Variants in TMTC1 observed in about 807,000 individuals in gnomAD.
TMTC1 encodes protein O-mannosyl-transferase TMTC1.
TMTC1 carries 73 observed loss-of-function variants against 104.8 expected under a neutral mutation model. The ratio of observed to expected loss-of-function variants is 0.70; its 90% CI spans 0.58 to 0.85. The LOEUF (loss-of-function observed/expected upper bound fraction) is 0.85, where lower values mean the gene tolerates loss of function less well. Ranked by LOEUF, TMTC1 falls within the 40% of genes least tolerant of loss-of-function variation. The pLI, the probability that TMTC1 is intolerant of heterozygous loss-of-function variation, is 0.00. For missense variants in TMTC1, 1,035 were observed against 1,096.1 expected, an observed-to-expected ratio of 0.94 and a Z score of 0.79; for synonymous variants, 434 against 428.7, an observed-to-expected ratio of 1.01 and a Z score of -0.15.
At chr12:29,625,826 AG>A (rs1937958582) in intron 6 of TMTC1, among the ~76,000 whole-genome samples, 1 of 152,194 alleles carries the variant, frequency 6.6e-6, no homozygotes, top group Non-Finnish European at 1.5e-5. Context: ...ATTAGCTGGG[AG>A]AAAGTCAAGA....
chr12:29,516,780 T>A (rs572416113), intron 14 of TMTC1, among the ~76,000 whole-genome samples: 5 of 152,314 alleles, frequency 3.3e-5, no homozygotes, highest in Non-Finnish European at 7.3e-5. Context: ...GAGAAAGAAT[T>A]TCCTCTGATT....
chr12:29,769,389 C>T (rs1050924176), intron 1 of TMTC1, among the ~76,000 whole-genome samples: 8 of 152,140 alleles, frequency 5.3e-5, no homozygotes, highest in Admixed American at 4.6e-4. Flanking sequence ...CATGAGTCTG[C>T]ACACACCCCA....
At position 29,518,523 on chromosome 12, in the gene TMTC1, C is replaced by A; in HGVS notation, c.1973G>T (p.Arg658Ile). The change falls in exon 13 of 18, where the codon AGA (arginine) becomes ATA (isoleucine). Residue 658 changes from arginine to isoleucine, a missense_variant. Physicochemically the swap from Arg to Ile is moderately conservative, Grantham distance 97. Transcript: ENST00000539277. ...SHHVAMVNLG[R>I]LYRSLGENSM... ...GTTCTCTCCCAGTGACCTGTAGAGTCTTCCCAAGTTCACCATGGCCACGTG... is the reference window on the plus strand; with the variant it reads ...GTTCTCTCCCAGTGACCTGTAGAGTATTCCCAAGTTCACCATGGCCACGTG... 2 of 1,614,162 alleles carry A rather than the reference C, an allele frequency of 1.2e-6. No homozygotes were observed. Among genetic ancestry groups the A allele is most frequent in the Non-Finnish European group, 1.7e-6 (2 of 1,180,012 alleles).
chr12:29,780,952 G>A (rs769243667), intron 1 of TMTC1, among the ~76,000 whole-genome samples: 1 of 152,166 alleles, frequency 6.6e-6, no homozygotes, highest in Non-Finnish European at 1.5e-5. Context: ...CCCTTCAATT[G>A]TGTTTTCACT....
intron 7 of TMTC1, among the ~76,000 whole-genome samples, chr12:29,591,466 C>A (rs1289383953): frequency 6.6e-6 from 1 of 152,216 alleles, no homozygotes; most frequent in African/African-American, 2.4e-5. Flanking sequence ...AGTGCAAACA[C>A]TGACACTTCA....
chr12:29,753,175 A>G (rs536764003), intron 4 of TMTC1, among the ~76,000 whole-genome samples: 1 of 152,296 alleles, frequency 6.6e-6, no homozygotes, highest in East Asian at 1.9e-4. Flanking sequence ...TAGTGCTAAG[A>G]TGTTTATTCT....
At chr12:29,517,916 T>C (rs554993147) in intron 13 of TMTC1, among the ~76,000 whole-genome samples, 1 of 152,314 alleles carries the variant, frequency 6.6e-6, no homozygotes, top group East Asian at 1.9e-4. Context: ...GGTTTCACCA[T>C]GTTGGCCAAG....
intron 1 of TMTC1, among the ~76,000 whole-genome samples, chr12:29,770,465 C>T (rs1480658712): frequency 1.3e-5 from 2 of 152,096 alleles, no homozygotes; most frequent in Non-Finnish European, 2.9e-5. Flanking sequence ...TAATAACAGG[C>T]CCTAATGCAC....
chr12:29,755,100 ATTC>A (rs748624954), intron 4 of TMTC1, among the ~76,000 whole-genome samples: 1 of 152,148 alleles, frequency 6.6e-6, no homozygotes, highest in Non-Finnish European at 1.5e-5. Flanking sequence ...TGCCTTAGTG[ATTC>A]TTATCATCTA....
chr12:29,638,802 A>G (rs1410268857), intron 5 of TMTC1, among the ~76,000 whole-genome samples: 1 of 152,156 alleles, frequency 6.6e-6, no homozygotes. Context: ...CCAGGGGGAT[A>G]AGGGAACTCC....
At chr12:29,593,011 T>C (rs1285452896) in intron 7 of TMTC1, among the ~76,000 whole-genome samples, 2 of 152,174 alleles carry the variant, frequency 1.3e-5, no homozygotes, top group Middle Eastern at 3.2e-3. Flanking sequence ...GTGCAGACTT[T>C]ATGTTTGGAG....
intron 9 of TMTC1, among the ~76,000 whole-genome samples, chr12:29,561,434 C>G (rs1945374793): frequency 6.6e-6 from 1 of 152,172 alleles, no homozygotes; most frequent in South Asian, 2.1e-4. Context: ...AGTTTGGCTA[C>G]TCAGAATCTT....
chr12:29,770,553 C>T (rs914738116), intron 1 of TMTC1, among the ~76,000 whole-genome samples: 1 of 152,128 alleles, frequency 6.6e-6, no homozygotes, highest in African/African-American at 2.4e-5. Context: ...TAAAAACGTA[C>T]ACACAAGAAT....
At chr12:29,550,369 T>G (rs1157073243) in intron 10 of TMTC1, among the ~76,000 whole-genome samples, 2 of 152,108 alleles carry the variant, frequency 1.3e-5, no homozygotes, top group South Asian at 2.1e-4. Flanking sequence ...CTAACAGTGA[T>G]CAAGTGCAGG....
intron 5 of TMTC1, among the ~76,000 whole-genome samples, chr12:29,639,006 CCTT>C (rs1249816606): frequency 6.6e-6 from 1 of 152,200 alleles, no homozygotes; most frequent in African/African-American, 2.4e-5. Flanking sequence ...CTGCCCATAA[CCTT>C]CTCCAGAACT....
At chr12:29,771,130 A>G (rs1290907218) in intron 1 of TMTC1, among the ~76,000 whole-genome samples, 1 of 152,190 alleles carries the variant, frequency 6.6e-6, no homozygotes, top group Non-Finnish European at 1.5e-5. Context: ...TTTTTATCAA[A>G]GGTTTAATGA....
chr12:29,510,734 T>A (rs1943810146), intron 17 of TMTC1, among the ~76,000 whole-genome samples: 1 of 152,224 alleles, frequency 6.6e-6, no homozygotes, highest in African/African-American at 2.4e-5. Context: ...TGCTATTTTA[T>A]CAGTGCAGAG....
intron 8 of TMTC1, among the ~76,000 whole-genome samples, chr12:29,578,470 A>G (rs1945885092): frequency 6.6e-6 from 1 of 152,160 alleles, no homozygotes; most frequent in Non-Finnish European, 1.5e-5. Flanking sequence ...ATTATCATGG[A>G]AACATCCAGC....
rs11050419 is a variant in TMTC1, at chr12:29,740,204, A to T, written c.938+11462T>A. Among the ~76,000 whole-genome samples the T allele has an allele frequency of 9.0e-3, 1,364 of 152,172 alleles. 20 individuals are homozygous for T. The highest frequency in any genetic ancestry group is 0.031 in the African/African-American group (1,267 of 41,490). ...CATTTTTAAAAAAAATTTTGAGGAG[A>T]TGGGGTCTGTGATGGTTAATACTGA... On this transcript the variant is annotated intron_variant, in intron 5 of 17. Transcript: ENST00000539277.
Sources: gnomAD v4.1 joint callset for allele counts (sites outside exome capture counted in the v4.1 genomes callset) on GRCh38, gnomAD v4.1.1 for gene constraint, MANE v1.5 for transcripts, NCBI Gene and HGNC (gene_info 2026-07-23, HGNC 2026-07-21) for gene names.